The following SLC44A5 variants were observed in gnomAD, a reference collection of about 807,000 sequenced individuals.
SLC44A5 encodes solute carrier family 44 member 5, also known as choline transporter-like protein 5.
SLC44A5 carries 57 observed loss-of-function variants against 101.8 expected under a neutral mutation model. That is an observed-to-expected ratio of 0.56 (90% CI 0.45 to 0.70). The LOEUF (loss-of-function observed/expected upper bound fraction) is 0.70, where lower values mean the gene tolerates loss of function less well. SLC44A5 is among the 30% of genes least tolerant of loss of function. The pLI is 0.00. For synonymous variants in SLC44A5, 281 were observed against 290.9 expected (o/e 0.97, Z 0.35); for missense variants, 737 against 853.1 (o/e 0.86, Z 1.70).
the SLC44A5 span, chr1:75,677,930 C>T: frequency 3.1e-4 from 65 of 211,616 alleles, no homozygotes; most frequent in African/African-American, 7.2e-4. Flanking sequence ...CGAAGCAGGG[C>T]GAGGCATTGC....
intron 2 of SLC44A5, among the ~76,000 whole-genome samples, chr1:75,414,588 A>T (rs1663515661): frequency 6.6e-6 from 1 of 152,162 alleles, no homozygotes; most frequent in Non-Finnish European, 1.5e-5. Context: ...AGGTGTCATT[A>T]AAAAAGAGGC....
At chr1:75,606,821 A>G (rs1675351986) in intron 1 of SLC44A5, among the ~76,000 whole-genome samples, 1 of 151,884 alleles carries the variant, frequency 6.6e-6, no homozygotes, top group Non-Finnish European at 1.5e-5. Flanking sequence ...TCCTTGATAC[A>G]CTTTCTTCCT....
At chr1:75,458,351 G>T (rs1369895414) in intron 2 of SLC44A5, among the ~76,000 whole-genome samples, 1 of 152,136 alleles carries the variant, frequency 6.6e-6, no homozygotes, top group Non-Finnish European at 1.5e-5. Context: ...GACTATTGAA[G>T]GGGAATTAAC....
At chr1:75,404,274 T>C (rs1662702808) in intron 2 of SLC44A5, among the ~76,000 whole-genome samples, 1 of 152,118 alleles carries the variant, frequency 6.6e-6, no homozygotes, top group Non-Finnish European at 1.5e-5. Flanking sequence ...GAAAACACTT[T>C]TCAGGCTATT....
intron 2 of SLC44A5, among the ~76,000 whole-genome samples, chr1:75,514,898 G>A (rs1669747395): frequency 6.6e-6 from 1 of 152,166 alleles, no homozygotes; most frequent in Non-Finnish European, 1.5e-5. Context: ...GGACCCTATG[G>A]ATGGAGATCA....
intron 2 of SLC44A5, among the ~76,000 whole-genome samples, chr1:75,537,260 T>C (rs535643701): frequency 2.2e-4 from 33 of 152,114 alleles, no homozygotes; most frequent in African/African-American, 7.9e-4. Context: ...CAGAAATACA[T>C]TGCAACTTTA....
chr1:75,488,499 A>G (rs1202000855), intron 2 of SLC44A5, among the ~76,000 whole-genome samples: 1 of 152,212 alleles, frequency 6.6e-6, no homozygotes, highest in South Asian at 2.1e-4. Flanking sequence ...AAATGTCATC[A>G]TGCAGTACAC....
chr1:75,678,354 A>G, the SLC44A5 span, among the ~76,000 whole-genome samples: 2 of 152,116 alleles, frequency 1.3e-5, no homozygotes, highest in African/African-American at 2.4e-5. Context: ...GCAGACTTAA[A>G]TGTCCCTGTC....
At chr1:75,277,976 T>C (rs1180681997) in intron 5 of SLC44A5, among the ~76,000 whole-genome samples, 1 of 152,130 alleles carries the variant, frequency 6.6e-6, no homozygotes, top group Non-Finnish European at 1.5e-5. Flanking sequence ...TCCCTATTAA[T>C]AAATTAAGGA....
chr1:75,363,781 T>C (rs1284730861), intron 3 of SLC44A5, among the ~76,000 whole-genome samples: 2 of 152,204 alleles, frequency 1.3e-5, no homozygotes, highest in East Asian at 1.9e-4. Context: ...TACTTTCATG[T>C]GTTTTATGTT....
At chr1:75,456,734 C>T (rs1666205993) in intron 2 of SLC44A5, among the ~76,000 whole-genome samples, 1 of 152,132 alleles carries the variant, frequency 6.6e-6, no homozygotes, top group African/African-American at 2.4e-5. Flanking sequence ...TGCCTTTATT[C>T]CACCATCTTT....
Position 75,274,943 on chromosome 1 carries a change from G to A in SLC44A5, c.260+15C>T. 6.2e-7 allele frequency: 1 copy of A among 1,602,532 alleles called. No homozygotes were observed. ...AGACAGTAAAATCACACAAAGCAAA[G>A]GTGGCCATACTCACTCATTGGGAGT... is the stretch of plus-strand genomic sequence containing the variant. On this transcript the variant is annotated intron_variant, in intron 6 of 23. Transcript: ENST00000370859.
At chr1:75,625,508 G>A in the SLC44A5 span, among the ~76,000 whole-genome samples, 1 of 152,074 alleles carries the variant, frequency 6.6e-6, no homozygotes, top group Non-Finnish European at 1.5e-5. Flanking sequence ...TGGTTTCGCA[G>A]GCCAAAAATA....
At position 75,238,594 on chromosome 1, in the gene SLC44A5, G is replaced by A; in HGVS notation, c.575C>T (p.Thr192Ile). 1 of 1,587,746 alleles carries A rather than the reference G, an allele frequency of 6.3e-7. No homozygotes were observed. Among genetic ancestry groups the A allele is most frequent in the Non-Finnish European group, 8.6e-7 (1 of 1,165,824 alleles). ...CFPDFSTKNGTLTIGSKMMFQ... is the reference protein window; with the variant it reads ...CFPDFSTKNGILTIGSKMMFQ... The stretch of plus-strand genomic sequence containing the variant: ...CATCATCTTACTTCCTATTGTTAAA[G>A]TGCCATTTTTGGTAGAGAAGTCAGG... Residue 192 changes from threonine to isoleucine, a missense_variant, in exon 10 of 24, where the codon ACT becomes ATT. This residue lies in a region of SLC44A5 where 665 missense variants were observed against 764.4 expected (regional missense o/e 0.87). Transcript: ENST00000370859.
At chr1:75,394,987 G>T (rs1430524074) in intron 3 of SLC44A5, among the ~76,000 whole-genome samples, 1 of 151,998 alleles carries the variant, frequency 6.6e-6, no homozygotes. Context: ...CCTTGTCTGG[G>T]AGAATGGAAA....
At chr1:75,341,075 T>G (rs6658610) in intron 3 of SLC44A5, among the ~76,000 whole-genome samples, 47,109 of 152,176 alleles carry the variant, frequency 0.31, 8,892 homozygotes, top group East Asian at 0.82. Flanking sequence ...CGTTCTCTCT[T>G]GGCTTACATT....
chr1:75,247,355 T>C (rs1649197021), intron 7 of SLC44A5, among the ~76,000 whole-genome samples: 1 of 152,100 alleles, frequency 6.6e-6, no homozygotes, highest in Non-Finnish European at 1.5e-5. Context: ...ATTTTAGGGA[T>C]AAAGTCAGAG....
rs761817531 is a variant in SLC44A5, at chr1:75,274,938, G to A, written c.260+20C>T. The A allele has an allele frequency of 6.3e-7, 1 of 1,595,724 alleles. No homozygotes were observed. Among genetic ancestry groups the A allele is most frequent in the Admixed American group, 1.7e-5 (1 of 59,216 alleles). ...AGTTTAGACAGTAAAATCACACAAA[G>A]CAAAGGTGGCCATACTCACTCATTG... On this transcript the variant is annotated intron_variant, in intron 6 of 23. Transcript: ENST00000370859.
intron 4 of SLC44A5, among the ~76,000 whole-genome samples, chr1:75,337,584 T>G (rs1657543560): frequency 6.6e-6 from 1 of 152,156 alleles, no homozygotes; most frequent in African/African-American, 2.4e-5. Flanking sequence ...GGAGAAATCT[T>G]GGGGCCTGAA....
Sources: gnomAD v4.1 joint callset for allele counts (sites outside exome capture counted in the v4.1 genomes callset) on GRCh38, gnomAD v4.1.1 for gene constraint, gnomAD v4.1.1 regional missense constraint, MANE v1.5 for transcripts, NCBI Gene and HGNC (gene_info 2026-07-23, HGNC 2026-07-21) for gene names.